The following PHIP variants were observed in gnomAD, a reference collection of about 807,000 sequenced individuals.
PHIP encodes PHIP subunit of CUL4-Ring ligase complex, also known as PH-interacting protein.
PHIP carries 54 observed loss-of-function variants against 236.8 expected under a neutral mutation model. The ratio of observed to expected loss-of-function variants is 0.23; its 90% CI spans 0.18 to 0.29. The LOEUF is 0.29. PHIP is among the 10% of genes least tolerant of loss of function. PHIP has a pLI of 1.00. For missense variants in PHIP, 1,370 were observed against 2,190.8 expected, an observed-to-expected ratio of 0.63 and a Z score of 7.48; for synonymous variants, 756 against 718.9, an observed-to-expected ratio of 1.05 and a Z score of -0.83.
chr6:79,042,749 G>GA (rs1772289863), intron 7 of PHIP, 94 bp downstream of exon 7: 42 of 916,510 alleles, frequency 4.6e-5, no homozygotes, highest in South Asian at 6.8e-5. Flanking sequence ...CCTATTAAAA[G>GA]AAAAAAAAGC....
chr6:79,007,858 G>A (rs1230247705), intron 15 of PHIP, among the ~76,000 whole-genome samples: 1 of 151,620 alleles, frequency 6.6e-6, no homozygotes, highest in Non-Finnish European at 1.5e-5. Context: ...CCTTCCTTAT[G>A]TATTAAAAAA....
At chr6:78,995,308 AT>A (rs1562163344) in intron 19 of PHIP, among the ~76,000 whole-genome samples, 1 of 152,204 alleles carries the variant, frequency 6.6e-6, no homozygotes, top group East Asian at 1.9e-4. Flanking sequence ...GGTATTACAA[AT>A]AAAGCTGCTA....
At chr6:79,044,946 T>C (rs1178336704) in intron 6 of PHIP, among the ~76,000 whole-genome samples, 1 of 152,188 alleles carries the variant, frequency 6.6e-6, no homozygotes, top group African/African-American at 2.4e-5. Context: ...ATTTTCATTT[T>C]GGAAGCCAAT....
intron 6 of PHIP, among the ~76,000 whole-genome samples, chr6:79,059,824 C>T (rs7753638): frequency 6.5e-4 from 99 of 151,576 alleles, no homozygotes; most frequent in African/African-American, 2.3e-3. Flanking sequence ...GAAAGTACAA[C>T]ACTATTAAAA....
chr6:79,018,671 C>T lies in PHIP; in HGVS notation c.994+418G>A, dbSNP rs188551533. ...AAGTGCAAATAAGAACAATATGTAG[C>T]GAATTAACTGATAAAGATGTACAAA... On this transcript the variant is annotated intron_variant, in intron 10 of 39. Transcript: ENST00000275034. Among the ~76,000 whole-genome samples the T allele has an allele frequency of 6.6e-4, 100 of 151,808 alleles. 1 individual carries two copies. The South Asian group carries it at 8.3e-3, about 13-fold the overall frequency.
At chr6:78,993,094 A>G (rs750527370) in intron 19 of PHIP, among the ~76,000 whole-genome samples, 4 of 152,254 alleles carry the variant, frequency 2.6e-5, no homozygotes, top group Non-Finnish European at 4.4e-5. Flanking sequence ...TGGATAGAAG[A>G]TTAAACCAGC....
In PHIP at chr6:79,077,527, C is replaced by T. The variant is rs1236683735; in HGVS notation, c.130-20G>A. On this transcript the variant is annotated intron_variant, in intron 3 of 39. Transcript: ENST00000275034. Reference sequence around the variant, plus strand: ...CAGCAGCTGCGGGGAGAGGACACCCCGTGAGCCCGGCCCCCGGCCCCTACC... The same window carrying T: ...CAGCAGCTGCGGGGAGAGGACACCCTGTGAGCCCGGCCCCCGGCCCCTACC... 4 of 1,494,266 alleles carry T rather than the reference C, an allele frequency of 2.7e-6. No homozygotes were observed. In the East Asian group the frequency reaches 8.5e-5, roughly 32 times the overall value. 92.6% of individuals were successfully genotyped at this position (1,494,266 alleles called of 1,614,324 possible).
chr6:79,074,637 A>C (rs765263526), intron 4 of PHIP, among the ~76,000 whole-genome samples: 14 of 152,136 alleles, frequency 9.2e-5, no homozygotes, highest in Non-Finnish European at 1.9e-4. Context: ...AAAATGTTTT[A>C]AATCTTAAGG....
chr6:79,007,956 G>A (rs1230001064), intron 15 of PHIP, among the ~76,000 whole-genome samples: 1 of 151,836 alleles, frequency 6.6e-6, no homozygotes, highest in East Asian at 1.9e-4. Flanking sequence ...ATAAGTGTTG[G>A]ATCCTGGTCA....
chr6:79,017,864 T>G (rs1770909910), intron 10 of PHIP, among the ~76,000 whole-genome samples: 1 of 151,954 alleles, frequency 6.6e-6, no homozygotes, highest in Non-Finnish European at 1.5e-5. Flanking sequence ...ATGTTAAAAT[T>G]ATCAGTCACC....
intron 27 of PHIP, 79 bp downstream of exon 27, chr6:78,969,756 A>G: frequency 4.7e-6 from 3 of 635,972 alleles, no homozygotes; most frequent in Non-Finnish European, 8.0e-6. Flanking sequence ...TCTTTTTCTC[A>G]ATTATGAAAA....
chr6:79,070,420 C>T (rs550952517), intron 4 of PHIP, among the ~76,000 whole-genome samples: 116 of 152,312 alleles, frequency 7.6e-4, no homozygotes, highest in Non-Finnish European at 1.3e-3. Flanking sequence ...AATTCTTATA[C>T]AATGACAGCA....
At chr6:79,004,298 G>A (rs1044602412) in intron 15 of PHIP, 1 of 505,818 alleles carries the variant, frequency 2.0e-6, no homozygotes, top group East Asian at 1.5e-4. Flanking sequence ...ATTATTTTTG[G>A]TAATAAATTC....
Position 79,016,889 on chromosome 6 carries a change from C to T in PHIP, c.1137-247G>A, listed in dbSNP as rs145181437. Among the ~76,000 whole-genome samples, 738 of 151,886 alleles carry T rather than the reference C, an allele frequency of 4.9e-3. 7 individuals carry two copies. The highest frequency in any genetic ancestry group is 0.017 in the African/African-American group (701 of 41,482). ...CTATGTACTACCCTAGAAATAAAAT[C>T]GACATTTTCCAAGGAAAAAACAATG... is the stretch of plus-strand genomic sequence containing the variant. On this transcript the variant is annotated intron_variant, in intron 12 of 39. Transcript: ENST00000275034.
At chr6:79,005,746 G>C (rs1770255948) in intron 15 of PHIP, among the ~76,000 whole-genome samples, 1 of 151,966 alleles carries the variant, frequency 6.6e-6, no homozygotes. Context: ...AATTTCAAAG[G>C]AAATCTGATA....
At chr6:78,992,246 A>T (rs1196942800) in intron 19 of PHIP, among the ~76,000 whole-genome samples, 1 of 152,062 alleles carries the variant, frequency 6.6e-6, no homozygotes, top group Non-Finnish European at 1.5e-5. Flanking sequence ...TACAGGTGTG[A>T]GCCACCGCGC....
At chr6:79,077,572 C>G in intron 3 of PHIP, 65 bp from the exon 4 acceptor site, 4 of 1,018,506 alleles carry the variant, frequency 3.9e-6, no homozygotes, top group Non-Finnish European at 4.8e-6. Flanking sequence ...CCCTCCCCCG[C>G]CCGCCCCGCG....
intron 15 of PHIP, among the ~76,000 whole-genome samples, chr6:79,010,619 G>C (rs920911583): frequency 3.3e-5 from 5 of 151,758 alleles, no homozygotes; most frequent in Admixed American, 6.6e-5. Flanking sequence ...TTTGAGTAAT[G>C]ACAGAAATAG....
At position 79,001,839 on chromosome 6, in the gene PHIP, C is replaced by G. The variant is rs988614491; in HGVS notation, c.1879+60G>C. 7.5e-6 allele frequency: 8 copies of G among 1,072,706 alleles called. No individual in the cohort carries two copies. The African/African-American group carries it at 1.2e-4, about 17-fold the overall frequency. 66.4% of individuals were successfully genotyped at this position (1,072,706 alleles called of 1,614,324 possible). ...TGCAAACAAAGTTTTACTCAATTAG[C>G]AATTTTAACAGTTCGGTGGGAAGAA... is the stretch of plus-strand genomic sequence containing the variant. On this transcript the variant is annotated intron_variant, in intron 17 of 39. Coordinates refer to ENST00000275034, the MANE Select transcript of PHIP (RefSeq NM_017934.7).
Sources: allele counts gnomAD v4.1 joint callset (sites outside exome capture counted in the v4.1 genomes callset), GRCh38; gene constraint gnomAD v4.1.1; transcripts MANE v1.5; gene names NCBI Gene and HGNC (gene_info 2026-07-23, HGNC 2026-07-21).